LTBP3: variants seen among roughly 807,000 people sequenced by gnomAD.
The protein encoded by LTBP3 is latent-transforming growth factor beta-binding protein 3.
LTBP3 carries 97 observed loss-of-function variants against 159.7 expected under a neutral mutation model. The ratio of observed to expected loss-of-function variants is 0.61; its 90% CI spans 0.52 to 0.72. The LOEUF is 0.72. LTBP3 is among the 30% of genes least tolerant of loss of function. LTBP3 has a pLI of 0.00. For missense variants in LTBP3, 1,584 were observed against 1,864.3 expected, an observed-to-expected ratio of 0.85 and a Z score of 2.77; for synonymous variants, 824 against 777.1, an observed-to-expected ratio of 1.06 and a Z score of -1.00.
In LTBP3 at chr11:65,546,470, C is replaced by T. The variant is rs1269193902; in HGVS notation, c.2325G>A (p.Ala775=). Residue 775 remains alanine, a synonymous_variant, in exon 16 of 28, where the codon GCG becomes GCA. Transcript: ENST00000301873. This position sits in a 1 kb window ranked among gnomAD's most constrained non-coding sequence, Gnocchi z 4.0. ...SFRCTCAQGY[A]PAPDGRSCLD... is the part of the protein sequence containing the mutation. The stretch of plus-strand genomic sequence containing the variant: ...AGCAACTGCGGCCGTCGGGCGCGGG[C>T]GCGTAGCCCTGGGCACAGGTGCAGC... The T allele has an allele frequency of 1.9e-6, 3 of 1,583,016 alleles. No individual in the cohort carries two copies. Among genetic ancestry groups the T allele is most frequent in the African/African-American group, 2.7e-5 (2 of 74,524 alleles).
chr11:65,556,424 A>G (rs574731090), intron 1 of LTBP3, among the ~76,000 whole-genome samples: 132 of 152,234 alleles, frequency 8.7e-4, no homozygotes, highest in Middle Eastern at 3.2e-3. Context: ...GCTACTTGGG[A>G]GGCTGAGGCA....
chr11:65,553,941 C>G lies in LTBP3; in HGVS notation c.662-38G>C. ...GCGGTGGCCTCAGGGCTGCCCGCAC[C>G]GCGCCGCGGGTCACCGCGCTGAGCT... On this transcript the variant is annotated intron_variant, in intron 2 of 27. Transcript: ENST00000301873. This position sits in a 1 kb window ranked among gnomAD's most constrained non-coding sequence, Gnocchi z 6.5. 1 of 1,520,756 alleles carries G rather than the reference C, an allele frequency of 6.6e-7. No homozygotes were observed. Among genetic ancestry groups the G allele is most frequent in the South Asian group, 1.2e-5 (1 of 84,240 alleles). 94.2% of individuals were successfully genotyped at this position (1,520,756 alleles called of 1,614,324 possible).
Position 65,546,865 on chromosome 11 carries a change from C to G in LTBP3, c.2163G>C (p.Lys721Asn). ...AGGCGATGCACTTGAAGCTCCCGGG[C>G]TTGTTCTCGCATTTGCCATCCGGGC... is the stretch of plus-strand genomic sequence containing the variant. The part of the protein sequence containing the change: ...SSCPDGKCEN[K>N]PGSFKCIACQ... Residue 721 changes from lysine (K) to asparagine (N), a missense_variant, in exon 15 of 28, where the codon AAG (lysine) becomes AAC (asparagine). This residue lies in a region of LTBP3 where 565 missense variants were observed against 677.7 expected (regional missense o/e 0.83). Coordinates refer to ENST00000301873, the MANE Select transcript of LTBP3 (RefSeq NM_001130144.3). The surrounding 1 kb of genome is among the most constrained non-coding windows in gnomAD (Gnocchi z 4.0). The G allele has an allele frequency of 6.2e-7, 1 of 1,612,392 alleles. No homozygotes were observed. The highest frequency in any genetic ancestry group is 1.7e-5 in the Admixed American group (1 of 60,034).
Position 65,554,799 on chromosome 11 carries a change from G to A in LTBP3, c.332-419C>T, listed in dbSNP as rs949000606. Among the ~76,000 whole-genome samples, 3 of 152,000 alleles carry A rather than the reference G, an allele frequency of 2.0e-5. No homozygotes were observed. Among genetic ancestry groups the A allele is most frequent in the Admixed American group, 6.6e-5 (1 of 15,264 alleles). ...TGAGCCTTCCAAAGGTATTGGCTCC[G>A]TCCCTGGCGCCTCCTCCTCTTCTCC... On this transcript the variant is annotated intron_variant, in intron 1 of 27. Coordinates refer to ENST00000301873, the MANE Select transcript of LTBP3 (RefSeq NM_001130144.3). The surrounding 1 kb of genome is among the most constrained non-coding windows in gnomAD (Gnocchi z 5.3).
At chr11:65,541,779 G>T in intron 18 of LTBP3, 51 bp from the exon 19 acceptor site, 1 of 1,609,258 alleles carries the variant, frequency 6.2e-7, no homozygotes, top group East Asian at 2.2e-5. Flanking sequence ...TTTCCCTGGG[G>T]CTGCACCTCA....
intron 8 of LTBP3, 23 bp downstream of exon 8, chr11:65,551,949 G>A: frequency 1.2e-6 from 2 of 1,612,610 alleles, no homozygotes; most frequent in Non-Finnish European, 1.7e-6. Context: ...ATGGGTCAGG[G>A]ATCAGAAGGG....
rs765536629 is a variant in LTBP3, at chr11:65,546,942, G to A, written c.2108-22C>T. 2 of 1,609,470 alleles carry A rather than the reference G, an allele frequency of 1.2e-6. No homozygotes were observed. Among genetic ancestry groups the A allele is most frequent in the South Asian group, 2.2e-5 (2 of 91,088 alleles). On this transcript the variant is annotated intron_variant, in intron 14 of 27. Transcript: ENST00000301873. This position sits in a 1 kb window ranked among gnomAD's most constrained non-coding sequence, Gnocchi z 4.0. ...ATGTCTGCACGGGAGGGAGAAGGAA[G>A]AGGACCCATCTGGGGACAACGCGGG...
chr11:65,553,242 T>A lies in LTBP3; in HGVS notation c.985A>T (p.Lys329Ter). 6.2e-7 allele frequency: 1 copy of A among 1,614,050 alleles called. No individual in the cohort carries two copies. The highest frequency in any genetic ancestry group is 8.5e-7 in the Non-Finnish European group (1 of 1,179,964). ...ACTTCCCCACGTACAGGCCCTGGCTTCTGCACTCCTGTGTCTGCAGAGAGA... is the reference window on the plus strand; with the variant it reads ...ACTTCCCCACGTACAGGCCCTGGCTACTGCACTCCTGTGTCTGCAGAGAGA... The part of the protein sequence containing the change: ...CPQLQYTGVQ[K>*]PGPVRGEVGA... Residue 329 changes from lysine (K) to a stop codon, truncating the protein, a stop_gained, in exon 5 of 28, where the codon AAG becomes TAG. Coordinates refer to ENST00000301873, the MANE Select transcript of LTBP3 (RefSeq NM_001130144.3). LOFTEE classifies it high-confidence loss of function. This position sits in a 1 kb window ranked among gnomAD's most constrained non-coding sequence, Gnocchi z 6.5.
At position 65,547,354 on chromosome 11, in the gene LTBP3, A is replaced by G; in HGVS notation, c.2107+85T>C. On this transcript the variant is annotated intron_variant, in intron 14 of 27. Transcript: ENST00000301873. The surrounding 1 kb of genome is among the most constrained non-coding windows in gnomAD (Gnocchi z 4.6). ...GTGAGACTCCGTCTCGGGGGAAAAA[A>G]AAAAAAATGCAGGCACCCCAGCCCC... 1 of 1,510,556 alleles carries G rather than the reference A, an allele frequency of 6.6e-7. No individual in the cohort carries two copies. Among genetic ancestry groups the G allele is most frequent in the Non-Finnish European group, 9.0e-7 (1 of 1,117,190 alleles). 93.6% of individuals were successfully genotyped at this position (1,510,556 alleles called of 1,614,324 possible).
In LTBP3 at chr11:65,547,863, C is replaced by T. The variant is rs745922924; in HGVS notation, c.1847-42G>A. ...GGCCAAGAAAAGTCAAAGGAAGCGT[C>T]GTTATCTGGGGTCCCCCCCCACCCA... On this transcript the variant is annotated intron_variant, in intron 12 of 27. Coordinates refer to ENST00000301873, the MANE Select transcript of LTBP3 (RefSeq NM_001130144.3). The surrounding 1 kb of genome is among the most constrained non-coding windows in gnomAD (Gnocchi z 4.6). 14 of 1,613,196 alleles carry T rather than the reference C, an allele frequency of 8.7e-6. 1 individual carries two copies. The South Asian group carries it at 1.5e-4, about 18-fold the overall frequency.
Position 65,553,718 on chromosome 11 carries a change from T to G in LTBP3, c.847A>C (p.Thr283Pro). The G allele has an allele frequency of 1.3e-6, 2 of 1,577,080 alleles. No homozygotes were observed. Among genetic ancestry groups the G allele is most frequent in the Non-Finnish European group, 1.7e-6 (2 of 1,169,610 alleles). The change falls in exon 3 of 28, where the codon ACT becomes CCT. Residue 283 changes from threonine to proline, a missense_variant. By Grantham distance (38) the Thr-to-Pro change is conservative. Coordinates refer to ENST00000301873, the MANE Select transcript of LTBP3 (RefSeq NM_001130144.3). The surrounding 1 kb of genome is among the most constrained non-coding windows in gnomAD (Gnocchi z 6.5). Reference protein sequence around the residue: ...QKPLGRCFQDTLPKQPCGSNP... With the variant: ...QKPLGRCFQDPLPKQPCGSNP... ...TCACTCACCGGCTGCTTGGGCAGAGTGTCCTGAAAGCAGCGGCCCAGGGGC... is the reference window on the plus strand; with the variant it reads ...TCACTCACCGGCTGCTTGGGCAGAGGGTCCTGAAAGCAGCGGCCCAGGGGC...
At position 65,540,166 on chromosome 11, in the gene LTBP3, AGGGGGT is replaced by A; in HGVS notation, c.3245-19_3245-14del. 1 of 1,529,006 alleles carries A rather than the reference AGGGGGT, an allele frequency of 6.5e-7. No individual in the cohort carries two copies. Among genetic ancestry groups the A allele is most frequent in the Non-Finnish European group, 8.8e-7 (1 of 1,139,360 alleles). 94.7% of individuals were successfully genotyped at this position (1,529,006 alleles called of 1,614,324 possible). A position where few individuals can be genotyped will look rare whatever the true frequency, so the allele number is the denominator to read the frequency against. Reference sequence around the variant, plus strand: ...CACTCGTCCACGTCTACGAACAGCGAGGGGGTGGGTGGGGGCCGTCACAGCTCGGCC... The same window carrying A: ...CACTCGTCCACGTCTACGAACAGCGAGGGTGGGGGCCGTCACAGCTCGGCC... On this transcript the variant is annotated splice_polypyrimidine_tract_variant and intron_variant, in intron 23 of 27. Transcript: ENST00000301873.
rs951867225 is a variant in LTBP3, at chr11:65,539,702, C to A, written c.3547+18G>T. 6.4e-7 allele frequency: 1 copy of A among 1,563,924 alleles called. No homozygotes were observed. Among genetic ancestry groups the A allele is most frequent in the Non-Finnish European group, 8.6e-7 (1 of 1,161,732 alleles). ...CCCCCATCCTCGCTCCCGGCCAACT[C>A]CTCCCCGACTGCCTTACCCGCGCCG... On this transcript the variant is annotated intron_variant, in intron 25 of 27. Coordinates refer to ENST00000301873, the MANE Select transcript of LTBP3 (RefSeq NM_001130144.3).
intron 18 of LTBP3, 156 bp downstream of exon 18, chr11:65,542,949 G>A (rs1347753518): frequency 7.7e-6 from 7 of 912,514 alleles, no homozygotes; most frequent in Middle Eastern, 3.4e-4. Context: ...TGGATGGATG[G>A]ATGGATGGAT....
Position 65,553,947 on chromosome 11 carries a change from G to A in LTBP3, c.662-44C>T, listed in dbSNP as rs571398741. On this transcript the variant is annotated intron_variant, in intron 2 of 27. Transcript: ENST00000301873. The surrounding 1 kb of genome is among the most constrained non-coding windows in gnomAD (Gnocchi z 6.5). ...GCCTCAGGGCTGCCCGCACCGCGCC[G>A]CGGGTCACCGCGCTGAGCTCCTCCA... 25 of 1,523,616 alleles carry A rather than the reference G, an allele frequency of 1.6e-5. No homozygotes were observed. The African/African-American group carries it at 2.9e-4, about 17-fold the overall frequency. The allele number at this position is 1,523,616 out of a possible 1,614,324, so 94.4% of individuals were successfully genotyped here.
chr11:65,550,856 T>G (rs1448335585), intron 11 of LTBP3, among the ~76,000 whole-genome samples: 1 of 151,908 alleles, frequency 6.6e-6, no homozygotes, highest in Non-Finnish European at 1.5e-5. Context: ...AAAAAAAAAC[T>G]GGGAAACCTG....
rs761852134 is a variant in LTBP3, at chr11:65,553,456, C to G, written c.939G>C (p.Gln313His). Residue 313 changes from glutamine (Q) to histidine (H), a missense_variant, in exon 4 of 28, where the codon CAG becomes CAC. Coordinates refer to ENST00000301873, the MANE Select transcript of LTBP3 (RefSeq NM_001130144.3). The surrounding 1 kb of genome is among the most constrained non-coding windows in gnomAD (Gnocchi z 6.5). ...CCGSIGTAWG[Q>H]SKCHKCPQLQ... Reference sequence around the variant, plus strand: ...GCTGGGGACACTTGTGGCACTTGCTCTGGCCCCAGGCAGTGCCGATGCTAC... The same window carrying G: ...GCTGGGGACACTTGTGGCACTTGCTGTGGCCCCAGGCAGTGCCGATGCTAC... The G allele has an allele frequency of 4.7e-5, 75 of 1,612,430 alleles. No individual in the cohort carries two copies. The highest frequency in any genetic ancestry group is 6.1e-5 in the Non-Finnish European group (72 of 1,179,952).
At chr11:65,539,982 G>A in intron 24 of LTBP3, 31 bp downstream of exon 24, 1 of 1,461,014 alleles carries the variant, frequency 6.8e-7, no homozygotes, top group Non-Finnish European at 9.0e-7. Flanking sequence ...ACAGGGCCCC[G>A]GGATCGGCCA....
At chr11:65,543,693 G>GA in intron 16 of LTBP3, 144 bp from the exon 17 acceptor site, 1 of 1,088,868 alleles carries the variant, frequency 9.2e-7, no homozygotes, top group Non-Finnish European at 1.4e-6. Context: ...GCTTCTGGGT[G>GA]GCACACAGTG....
Sources: allele counts gnomAD v4.1 joint callset (sites outside exome capture counted in the v4.1 genomes callset), GRCh38; gene constraint gnomAD v4.1.1; regional missense constraint gnomAD v4.1.1; non-coding constraint Gnocchi (gnomAD v3.1); transcripts MANE v1.5; gene names NCBI Gene and HGNC (gene_info 2026-07-23, HGNC 2026-07-21).